PPP4R3A: variants seen among roughly 807,000 people sequenced by gnomAD.
PPP4R3A encodes protein phosphatase 4 regulatory subunit 3A, also known as serine/threonine-protein phosphatase 4 regulatory subunit 3A.
A neutral mutation model predicts 91.7 loss-of-function variants in PPP4R3A; 15 were observed. That is an observed-to-expected ratio of 0.16 (90% CI 0.11 to 0.25). The LOEUF is 0.25. PPP4R3A is among the 10% of genes least tolerant of loss of function. The pLI, the probability that PPP4R3A is intolerant of heterozygous loss-of-function variation, is 1.00. For synonymous variants in PPP4R3A, 377 were observed against 348.7 expected, an observed-to-expected ratio of 1.08 and a Z score of -0.91; for missense variants, 623 against 998.4, an observed-to-expected ratio of 0.62 and a Z score of 5.07.
rs60663799 is a variant in PPP4R3A at position 91,495,302 on chromosome 14, A to ATGTGTGTG, written c.143-4508_143-4501dup. Among the ~76,000 whole-genome samples, 452 of 140,934 alleles carry ATGTGTGTG rather than the reference A, an allele frequency of 3.2e-3. 1 individual carries two copies. The highest frequency in any genetic ancestry group is 7.3e-3 in the African/African-American group (276 of 37,858). The allele number at this position is 140,934 out of a possible 152,430, so 92.5% of individuals were successfully genotyped here. Reference sequence around the variant, plus strand: ...AAAATACCACATGTCCAGATACATAATGTGTGTGTGTGTGTGTGTGTGTAT... The same window carrying ATGTGTGTG: ...AAAATACCACATGTCCAGATACATAATGTGTGTGTGTGTGTGTGTGTGTGTGTGTGTAT... On this transcript the variant is annotated intron_variant, in intron 1 of 14. Transcript: ENST00000554943.
At chr14:91,490,881 C>CA in intron 1 of PPP4R3A, 79 bp from the exon 2 acceptor site, 1 of 608,302 alleles carries the variant, frequency 1.6e-6, no homozygotes, top group Non-Finnish European at 2.5e-6. Context: ...CACATATTTC[C>CA]TTAAAAAAAA....
chr14:91,460,028 T>C (rs895565248), intron 14 of PPP4R3A, among the ~76,000 whole-genome samples: 2 of 152,032 alleles, frequency 1.3e-5, no homozygotes, highest in Admixed American at 6.6e-5. Flanking sequence ...TATTTATTTT[T>C]TGAGATGGAG....
At chr14:91,490,236 A>G (rs1266007653) in intron 2 of PPP4R3A, among the ~76,000 whole-genome samples, 1 of 152,238 alleles carries the variant, frequency 6.6e-6, no homozygotes, top group Non-Finnish European at 1.5e-5. Context: ...TGCATATTAG[A>G]AAGGTTTAAG....
intron 1 of PPP4R3A, 72 bp from the exon 2 acceptor site, chr14:91,490,874 A>C: frequency 1.4e-6 from 1 of 696,658 alleles, no homozygotes; most frequent in Non-Finnish European, 2.2e-6. Context: ...ACATACACAC[A>C]TATTTCCTTA....
chr14:91,463,905 T>G (rs1888314437), intron 11 of PPP4R3A, among the ~76,000 whole-genome samples: 1 of 152,130 alleles, frequency 6.6e-6, no homozygotes, highest in Non-Finnish European at 1.5e-5. Context: ...ATCCCCACCT[T>G]CTCCTACTCT....
intron 3 of PPP4R3A, among the ~76,000 whole-genome samples, chr14:91,484,824 CTCT>C (rs2140120868): frequency 6.6e-6 from 1 of 152,212 alleles, no homozygotes; most frequent in African/African-American, 2.4e-5. Context: ...GAGAAACCTT[CTCT>C]AGAAAGAAAT....
chr14:91,490,573 A>T (rs1472226890), intron 2 of PPP4R3A, among the ~76,000 whole-genome samples, 174 bp downstream of exon 2: 1 of 152,132 alleles, frequency 6.6e-6, no homozygotes, highest in Admixed American at 6.5e-5. Flanking sequence ...AAGCTTTTTA[A>T]ATTTAAAATT....
chr14:91,470,574 T>C (rs1446261534), intron 10 of PPP4R3A, among the ~76,000 whole-genome samples: 3 of 152,180 alleles, frequency 2.0e-5, no homozygotes, highest in Admixed American at 6.5e-5. Flanking sequence ...CTATAAAATA[T>C]CCAAGGTAAA....
At chr14:91,467,335 G>A (rs555422993) in intron 10 of PPP4R3A, among the ~76,000 whole-genome samples, 3 of 152,166 alleles carry the variant, frequency 2.0e-5, no homozygotes, top group African/African-American at 7.2e-5. Context: ...GATAGGCCAA[G>A]TTGGCACTGC....
intron 4 of PPP4R3A, among the ~76,000 whole-genome samples, chr14:91,480,035 G>C (rs1889457189): frequency 6.6e-6 from 1 of 152,112 alleles, no homozygotes; most frequent in Non-Finnish European, 1.5e-5. Flanking sequence ...GCAAATTATT[G>C]TCTAGCTCTC....
At chr14:91,507,049 T>G (rs959987025) in intron 1 of PPP4R3A, among the ~76,000 whole-genome samples, 1 of 152,116 alleles carries the variant, frequency 6.6e-6, no homozygotes, top group African/African-American at 2.4e-5. Flanking sequence ...TTCGGCGCAG[T>G]GGCTCACGCC....
intron 2 of PPP4R3A, among the ~76,000 whole-genome samples, chr14:91,486,280 T>C (rs1215443818): frequency 2.6e-5 from 4 of 151,658 alleles, no homozygotes; most frequent in Non-Finnish European, 5.9e-5. Context: ...CAAAGTGCTA[T>C]GGTTCAAGAA....
chr14:91,486,259 T>C (rs1378780324), intron 2 of PPP4R3A, among the ~76,000 whole-genome samples: 1 of 152,056 alleles, frequency 6.6e-6, no homozygotes, highest in East Asian at 1.9e-4. Context: ...TGTTTTTTTT[T>C]TTAAACTTAG....
chr14:91,481,494 A>G (rs1889557231), intron 4 of PPP4R3A, 82 bp downstream of exon 4: 2 of 1,374,334 alleles, frequency 1.5e-6, no homozygotes, highest in Middle Eastern at 2.7e-4. Context: ...AACAAAATTA[A>G]AACTCAATGT....
intron 4 of PPP4R3A, among the ~76,000 whole-genome samples, chr14:91,479,371 TA>T (rs1420336432): frequency 6.6e-6 from 1 of 151,448 alleles, no homozygotes; most frequent in African/African-American, 2.4e-5. Flanking sequence ...TACACAAACT[TA>T]TTTTTTTGTT....
intron 14 of PPP4R3A, among the ~76,000 whole-genome samples, chr14:91,460,920 T>C (rs1888112536): frequency 1.3e-5 from 2 of 152,180 alleles, no homozygotes; most frequent in African/African-American, 2.4e-5. Flanking sequence ...TGCCCAGCCC[T>C]TGTTCATTTC....
chr14:91,461,372 A>AG lies in PPP4R3A; in HGVS notation c.2391+8dup. The AG allele has an allele frequency of 6.3e-7, 1 of 1,594,882 alleles. No individual in the cohort carries two copies. The highest frequency in any genetic ancestry group is 8.6e-7 in the Non-Finnish European group (1 of 1,164,402). The stretch of plus-strand genomic sequence containing the variant: ...AAAAAAGGGGGCAAAATGGGAGTCA[A>AG]GAATGTACCTTTGTAGTAATAGCTG... On this transcript the variant is annotated intron_variant, in intron 14 of 14. Coordinates refer to ENST00000554943, the MANE Select transcript of PPP4R3A (RefSeq NM_001366432.2).
At chr14:91,502,989 T>A (rs1182106054) in intron 1 of PPP4R3A, among the ~76,000 whole-genome samples, 1 of 152,216 alleles carries the variant, frequency 6.6e-6, no homozygotes, top group Non-Finnish European at 1.5e-5. Flanking sequence ...CTTTCTTTTT[T>A]AAATTTTTTG....
In PPP4R3A at chr14:91,458,759, T is replaced by C. The variant is rs199784699; in HGVS notation, c.2502A>G (p.Ter834=). Residue 834 remains the stop codon, a stop_retained_variant, in exon 15 of 15, where the codon TAA becomes TAG. Coordinates refer to ENST00000554943, the MANE Select transcript of PPP4R3A (RefSeq NM_001366432.2). ...PLSKKAKFDS[*] ...TACTGATCCTAGGCCGTTGCCATTATTATGAATCAAATTTTGCTTTCTTTG... is the reference window on the plus strand; with the variant it reads ...TACTGATCCTAGGCCGTTGCCATTACTATGAATCAAATTTTGCTTTCTTTG... 3 of 1,614,122 alleles carry C rather than the reference T, an allele frequency of 1.9e-6. No individual in the cohort carries two copies. The highest frequency in any genetic ancestry group is 2.2e-5 in the East Asian group (1 of 44,880).
Sources: gnomAD v4.1 joint callset for allele counts (sites outside exome capture counted in the v4.1 genomes callset) on GRCh38, gnomAD v4.1.1 for gene constraint, MANE v1.5 for transcripts, NCBI Gene and HGNC (gene_info 2026-07-23, HGNC 2026-07-21) for gene names.